ROBO2: variants seen among roughly 807,000 people sequenced by gnomAD.
ROBO2 encodes the protein roundabout homolog 2.
Under a neutral mutation model 160.8 loss-of-function variants are expected in ROBO2, and 53 were observed. The observed-to-expected ratio is 0.33, with a 90% CI of 0.26 to 0.41. The LOEUF is 0.41. Among genes scored for constraint, ROBO2 ranks in the 10% least tolerant of loss-of-function variants. The pLI is 1.00. For synonymous variants in ROBO2, 664 were observed against 611.7 expected (o/e 1.09, Z -1.26); for missense variants, 1,577 against 1,722.4 (o/e 0.92, Z 1.49).
chr3:77,438,697 A>C (rs2079589496), intron 2 of ROBO2, among the ~76,000 whole-genome samples: 1 of 152,014 alleles, frequency 6.6e-6, no homozygotes, highest in Admixed American at 6.6e-5. Flanking sequence ...AACCATTTAA[A>C]AATGTAAATA....
chr3:77,502,760 T>G (rs892748387), intron 5 of ROBO2, among the ~76,000 whole-genome samples: 3 of 152,224 alleles, frequency 2.0e-5, no homozygotes, highest in Non-Finnish European at 4.4e-5. Flanking sequence ...TACGATGATT[T>G]AAAGTTGCAG....
At chr3:76,097,948 G>C (rs2069522687) in intron 2 of ROBO2, among the ~76,000 whole-genome samples, 1 of 152,172 alleles carries the variant, frequency 6.6e-6, no homozygotes, top group Admixed American at 6.5e-5. Context: ...AGTTTCACAA[G>C]ATCAAAGCAA....
At chr3:76,351,318 C>T (rs1334166687) in intron 2 of ROBO2, among the ~76,000 whole-genome samples, 1 of 151,734 alleles carries the variant, frequency 6.6e-6, no homozygotes, top group Non-Finnish European at 1.5e-5. Flanking sequence ...TTTTATGGTG[C>T]TGGTAAATAA....
chr3:76,961,260 A>AAAAAC (rs1559767719), intron 2 of ROBO2, among the ~76,000 whole-genome samples: 2 of 151,904 alleles, frequency 1.3e-5, no homozygotes, highest in African/African-American at 4.8e-5. Context: ...AAAAAAAAAA[A>AAAAAC]AAAAAAAACA....
intron 2 of ROBO2, among the ~76,000 whole-genome samples, chr3:76,987,783 C>T (rs1242550492): frequency 6.6e-6 from 1 of 152,092 alleles, no homozygotes; most frequent in African/African-American, 2.4e-5. Flanking sequence ...TAAGCATTTC[C>T]TTGGGAATAG....
chr3:76,239,242 C>G (rs1400403111), intron 2 of ROBO2, among the ~76,000 whole-genome samples: 1 of 151,952 alleles, frequency 6.6e-6, no homozygotes, highest in Non-Finnish European at 1.5e-5. Flanking sequence ...CAAATGTCAG[C>G]CACAATGTCC....
At chr3:76,292,699 G>GA (rs968244397) in intron 2 of ROBO2, among the ~76,000 whole-genome samples, 5 of 150,472 alleles carry the variant, frequency 3.3e-5, no homozygotes, top group East Asian at 3.9e-4. Context: ...CATGCAACTT[G>GA]AAAAAAAAAT....
At chr3:77,482,548 G>C (rs972202374) in intron 4 of ROBO2, among the ~76,000 whole-genome samples, 1 of 152,156 alleles carries the variant, frequency 6.6e-6, no homozygotes, top group Non-Finnish European at 1.5e-5. Flanking sequence ...AGTCCCAAAT[G>C]ACAAAGCTAG....
At chr3:77,110,540 C>G (rs2073433271) in intron 2 of ROBO2, among the ~76,000 whole-genome samples, 1 of 151,000 alleles carries the variant, frequency 6.6e-6, no homozygotes, top group Admixed American at 6.6e-5. Flanking sequence ...TATCCACAGG[C>G]AAAAATATAA....
intron 2 of ROBO2, among the ~76,000 whole-genome samples, chr3:76,280,429 G>A (rs1050343648): frequency 6.6e-6 from 1 of 152,092 alleles, no homozygotes; most frequent in African/African-American, 2.4e-5. Context: ...CACCACATGA[G>A]GACACCATGA....
chr3:76,451,890 A>T (rs1260302051), intron 2 of ROBO2, among the ~76,000 whole-genome samples: 1 of 152,174 alleles, frequency 6.6e-6, no homozygotes, highest in Admixed American at 6.6e-5. Context: ...TGATCAAGAA[A>T]CAGGAGAACC....
intron 2 of ROBO2, among the ~76,000 whole-genome samples, chr3:76,682,950 C>G (rs765991994): frequency 6.6e-6 from 1 of 151,988 alleles, no homozygotes; most frequent in Non-Finnish European, 1.5e-5. Context: ...CATTTGAGAA[C>G]CGTTAGTACA....
At chr3:76,456,326 T>G (rs1233371267) in intron 2 of ROBO2, among the ~76,000 whole-genome samples, 1 of 152,232 alleles carries the variant, frequency 6.6e-6, no homozygotes, top group African/African-American at 2.4e-5. Flanking sequence ...TCCATTGGTT[T>G]GTTCAATTTT....
chr3:76,207,475 A>G (rs569868560), intron 2 of ROBO2, among the ~76,000 whole-genome samples: 1 of 152,238 alleles, frequency 6.6e-6, no homozygotes, highest in Admixed American at 6.5e-5. Flanking sequence ...AATTAATTTG[A>G]TGTATTAAAA....
intron 2 of ROBO2, among the ~76,000 whole-genome samples, chr3:77,338,507 T>C (rs567546352): frequency 6.6e-6 from 1 of 152,164 alleles, no homozygotes; most frequent in Non-Finnish European, 1.5e-5. Flanking sequence ...AACTCACAAA[T>C]GTGGTTGATG....
At chr3:77,090,805 C>T (rs938561254) in intron 1 of ROBO2, among the ~76,000 whole-genome samples, 2 of 152,132 alleles carry the variant, frequency 1.3e-5, no homozygotes, top group Non-Finnish European at 2.9e-5. Flanking sequence ...TCGTGTAGTG[C>T]TACTGTATCT....
chr3:77,559,233 T>C (rs537703146), intron 9 of ROBO2, among the ~76,000 whole-genome samples: 1 of 152,068 alleles, frequency 6.6e-6, no homozygotes, highest in Non-Finnish European at 1.5e-5. Flanking sequence ...AATATTATAT[T>C]GGCCAGAAGG....
chr3:77,452,578 C>T (rs1044100457), intron 2 of ROBO2, among the ~76,000 whole-genome samples: 2 of 151,956 alleles, frequency 1.3e-5, no homozygotes, highest in African/African-American at 2.4e-5. Flanking sequence ...TATAATAATA[C>T]GTAATTTTGC....
At chr3:76,079,866 A>G (rs1372563776) in intron 2 of ROBO2, among the ~76,000 whole-genome samples, 1 of 152,180 alleles carries the variant, frequency 6.6e-6, no homozygotes, top group Non-Finnish European at 1.5e-5. Flanking sequence ...GAAGAAAGAA[A>G]TTTCTACAAA....
Sources: allele counts gnomAD v4.1 joint callset (sites outside exome capture counted in the v4.1 genomes callset), GRCh38; gene constraint gnomAD v4.1.1; transcripts MANE v1.5; gene names NCBI Gene and HGNC (gene_info 2026-07-23, HGNC 2026-07-21).